Variants in LARP4B observed in about 807,000 individuals in gnomAD.
LARP4B encodes La ribonucleoprotein 4B.
LARP4B carries 12 observed loss-of-function variants against 89.8 expected under a neutral mutation model. The observed-to-expected ratio is 0.13, with a 90% confidence interval of 0.09 to 0.22. The LOEUF (loss-of-function observed/expected upper bound fraction) is 0.22. Ranked by LOEUF, LARP4B falls within the 10% of genes least tolerant of loss-of-function variation. The pLI is 1.00. For missense variants in LARP4B, 757 were observed against 947.7 expected (o/e 0.80, Z 2.64); for synonymous variants, 367 against 363.3 (o/e 1.01, Z -0.12).
chr10:820,716 C>A (rs558932126), intron 14 of LARP4B, 84 bp downstream of exon 14: 190 of 1,247,550 alleles, frequency 1.5e-4, no homozygotes, highest in Non-Finnish European at 1.5e-4. Context: ...TGTGCCTTAA[C>A]CTTAATCCAT....
chr10:820,160 C>A (rs1832273248), intron 14 of LARP4B: 1 of 152,500 alleles, frequency 6.6e-6, no homozygotes, highest in Admixed American at 6.5e-5. Flanking sequence ...CGTGCCATCC[C>A]ACCACTGGCT....
chr10:841,414 G>C lies in LARP4B; in HGVS notation c.646+1518C>G, dbSNP rs187517512. ...AAAAGTTAAGTCATAAAAAAGGCGG[G>C]AGGAGATGGGACGAAATAGGTGACA... On this transcript the variant is annotated intron_variant, in intron 7 of 17. Coordinates refer to ENST00000316157, the MANE Select transcript of LARP4B (RefSeq NM_015155.3). Among the ~76,000 whole-genome samples, 6 of 152,362 alleles carry C rather than the reference G, an allele frequency of 3.9e-5. No homozygotes were observed. In the East Asian group the frequency reaches 1.2e-3, roughly 29 times the overall value.
the LARP4B span, among the ~76,000 whole-genome samples, chr10:936,871 TGAA>T: frequency 2.2e-4 from 33 of 152,204 alleles, no homozygotes; most frequent in South Asian, 5.0e-3. Context: ...AGTATTAAAA[TGAA>T]GAATGGTGGT....
chr10:812,929 C>T lies in LARP4B; in HGVS notation c.2214G>A (p.Gln738=). The change falls in exon 18 of 18, where the codon CAG becomes CAA. Residue 738 remains glutamine (Q), a synonymous_variant. Coordinates refer to ENST00000316157, the MANE Select transcript of LARP4B (RefSeq NM_015155.3). ...REQSTPPKSP[Q] ...ACCCCTCCCAGACGTACGGTTTTCA[C>T]TGAGGAGACTTGGGGGGAGTGCTCT... 6.5e-7 allele frequency: 1 copy of T among 1,535,854 alleles called. No individual in the cohort carries two copies. Among genetic ancestry groups the T allele is most frequent in the Non-Finnish European group, 8.7e-7 (1 of 1,149,034 alleles).
intron 1 of LARP4B, among the ~76,000 whole-genome samples, chr10:918,764 G>A (rs990735272): frequency 6.6e-6 from 1 of 151,900 alleles, no homozygotes; most frequent in African/African-American, 2.4e-5. Context: ...TGTAGCATAG[G>A]ATATCTCTGG....
the LARP4B span, among the ~76,000 whole-genome samples, chr10:977,581 C>T: frequency 2.6e-5 from 4 of 151,962 alleles, no homozygotes; most frequent in Non-Finnish European, 4.4e-5. Flanking sequence ...GAGATCCTCC[C>T]GCTTCAGCCT....
At chr10:838,285 G>A (rs1833334199) in intron 7 of LARP4B, among the ~76,000 whole-genome samples, 1 of 152,164 alleles carries the variant, frequency 6.6e-6, no homozygotes, top group Non-Finnish European at 1.5e-5. Flanking sequence ...ATTTCATTAA[G>A]ATTTAAAACT....
At chr10:870,128 T>A (rs990444132) in intron 3 of LARP4B, 3 of 716,084 alleles carry the variant, frequency 4.2e-6, no homozygotes, top group Non-Finnish European at 5.1e-6. Flanking sequence ...ATGGTGCAGA[T>A]CCTCACTAAA....
At chr10:940,132 C>T in the LARP4B span, among the ~76,000 whole-genome samples, 2 of 151,922 alleles carry the variant, frequency 1.3e-5, no homozygotes, top group Non-Finnish European at 2.9e-5. Context: ...ATTCTCCTGC[C>T]TCAGCCTCCC....
At chr10:907,398 C>T (rs1280150121) in intron 1 of LARP4B, among the ~76,000 whole-genome samples, 3 of 152,110 alleles carry the variant, frequency 2.0e-5, no homozygotes, top group Non-Finnish European at 2.9e-5. Context: ...CAGCTGAGGG[C>T]AAAATTACTT....
chr10:857,385 A>G (rs1039567769), intron 5 of LARP4B, among the ~76,000 whole-genome samples: 1 of 152,196 alleles, frequency 6.6e-6, no homozygotes, highest in Non-Finnish European at 1.5e-5. Flanking sequence ...ATGGGCTATT[A>G]GGAGACTGGA....
intron 1 of LARP4B, among the ~76,000 whole-genome samples, chr10:921,996 A>G (rs1174364352): frequency 6.6e-6 from 1 of 152,098 alleles, no homozygotes; most frequent in Non-Finnish European, 1.5e-5. Context: ...CAGTACTCCA[A>G]GTCAGCGGTA....
intron 3 of LARP4B, among the ~76,000 whole-genome samples, chr10:880,735 T>TA (rs1472693876): frequency 2.6e-5 from 4 of 152,072 alleles, no homozygotes; most frequent in African/African-American, 9.7e-5. Context: ...GAATTGTACA[T>TA]AGAGTTTAGT....
At chr10:892,318 A>C (rs1836052689) in intron 1 of LARP4B, among the ~76,000 whole-genome samples, 1 of 152,212 alleles carries the variant, frequency 6.6e-6, no homozygotes, top group Non-Finnish European at 1.5e-5. Flanking sequence ...CTACAGTCTA[A>C]AAAAGAAGTT....
At chr10:943,148 T>C in the LARP4B span, among the ~76,000 whole-genome samples, 1 of 152,086 alleles carries the variant, frequency 6.6e-6, no homozygotes, top group Non-Finnish European at 1.5e-5. Context: ...GGTTTCGTCA[T>C]GTTGCCCAGG....
chr10:952,452 C>A, the LARP4B span, among the ~76,000 whole-genome samples: 1 of 125,678 alleles, frequency 8.0e-6, no homozygotes. Flanking sequence ...AACTGCATAA[C>A]AGACAACCTT....
At chr10:921,435 T>C (rs918286181) in intron 1 of LARP4B, among the ~76,000 whole-genome samples, 3 of 152,176 alleles carry the variant, frequency 2.0e-5, no homozygotes, top group African/African-American at 7.2e-5. Context: ...TCATGTGATT[T>C]CATGAAAAAC....
At chr10:887,816 G>A (rs1171011308) in intron 1 of LARP4B, among the ~76,000 whole-genome samples, 1 of 152,052 alleles carries the variant, frequency 6.6e-6, no homozygotes, top group Non-Finnish European at 1.5e-5. Context: ...TTGAGGCCAG[G>A]AGTTCGAGAC....
intron 1 of LARP4B, among the ~76,000 whole-genome samples, chr10:903,783 T>C (rs542748750): frequency 2.0e-5 from 3 of 152,250 alleles, no homozygotes; most frequent in African/African-American, 7.2e-5. Context: ...AGTTTTCAAT[T>C]GAAAATACAT....
Sources: gnomAD v4.1 joint callset for allele counts (sites outside exome capture counted in the v4.1 genomes callset) on GRCh38, gnomAD v4.1.1 for gene constraint, MANE v1.5 for transcripts, NCBI Gene and HGNC (gene_info 2026-07-23, HGNC 2026-07-21) for gene names.